Variants in CLDN11 observed in about 807,000 individuals in gnomAD.
CLDN11 encodes the protein claudin-11.
CLDN11 carries 1 observed loss-of-function variant against 18.0 expected under a neutral mutation model. The observed-to-expected ratio is 0.06, with a 90% CI of 0.02 to 0.26. The LOEUF is 0.26. CLDN11 is among the 10% of genes least tolerant of loss of function. CLDN11 has a pLI of 1.00. For synonymous variants in CLDN11, 116 were observed against 121.5 expected, an observed-to-expected ratio of 0.96 and a Z score of 0.30; for missense variants, 172 against 276.6, an observed-to-expected ratio of 0.62 and a Z score of 2.68.
At chr3:170,421,278 T>C (rs1738716549) in intron 1 of CLDN11, 2 of 985,786 alleles carry the variant, frequency 2.0e-6, no homozygotes, top group African/African-American at 3.5e-5. Flanking sequence ...CACTGTAGCA[T>C]GTGGACAGCC....
intron 1 of CLDN11, among the ~76,000 whole-genome samples, chr3:170,422,586 C>A (rs1738750728): frequency 6.6e-6 from 1 of 152,076 alleles, no homozygotes; most frequent in African/African-American, 2.4e-5. Context: ...CCACACCAGG[C>A]TAATTTTTGT....
chr3:170,423,231 C>G lies in CLDN11; in HGVS notation c.295C>G (p.Leu99Val), dbSNP rs1306206855. The G allele has an allele frequency of 6.2e-7, 1 of 1,614,124 alleles. No individual in the cohort carries two copies. Among genetic ancestry groups the G allele is most frequent in the African/African-American group, 1.3e-5 (1 of 74,936 alleles). The change falls in exon 2 of 3, where the codon CTG (leucine) becomes GTG (valine). Residue 99 changes from leucine to valine, a missense_variant. Around this residue, in one of 3 missense-constraint regions of CLDN11, gnomAD observed 161 missense variants for 240.3 expected, o/e 0.67. Transcript: ENST00000064724. ...SVLGLPAILL[L>V]LTVLPCIRMG... Reference sequence around the variant, plus strand: ...CCTGGGTCTGCCGGCCATTTTACTGCTGCTGACTGTTCTTCCCTGCATCCG... The same window carrying G: ...CCTGGGTCTGCCGGCCATTTTACTGGTGCTGACTGTTCTTCCCTGCATCCG...
chr3:170,425,279 GAGGATGGCAGAGCCAAA>G (rs1388322331), intron 2 of CLDN11, among the ~76,000 whole-genome samples: 5 of 152,170 alleles, frequency 3.3e-5, no homozygotes, highest in Non-Finnish European at 7.3e-5. Flanking sequence ...CTTGGGCTCT[GAGGATGGCAGAGCCAAA>G]AGGTGGGTCT....
At chr3:170,422,236 G>A (rs1738741516) in intron 1 of CLDN11, among the ~76,000 whole-genome samples, 1 of 147,722 alleles carries the variant, frequency 6.8e-6, no homozygotes, top group South Asian at 2.2e-4. Flanking sequence ...AATCACCTAG[G>A]ACACCTGAAG....
At chr3:170,428,614 T>C (rs1738922062) in intron 2 of CLDN11, among the ~76,000 whole-genome samples, 1 of 152,202 alleles carries the variant, frequency 6.6e-6, no homozygotes, top group African/African-American at 2.4e-5. Flanking sequence ...TTCTCTCCCT[T>C]CTCTTCCCCC....
At chr3:170,426,113 A>G (rs1738845339) in intron 2 of CLDN11, among the ~76,000 whole-genome samples, 1 of 152,170 alleles carries the variant, frequency 6.6e-6, no homozygotes, top group Admixed American at 6.5e-5. Flanking sequence ...ACCAAAGAAG[A>G]TGAGGCACCT....
intron 2 of CLDN11, among the ~76,000 whole-genome samples, chr3:170,426,114 T>C (rs1212384336): frequency 2.0e-5 from 3 of 152,134 alleles, no homozygotes; most frequent in Admixed American, 1.3e-4. Flanking sequence ...CCAAAGAAGA[T>C]GAGGCACCTC....
At position 170,418,888 on chromosome 3, in the gene CLDN11, G is replaced by GCGC. The variant is rs1738652084; in HGVS notation, c.-177_-175dup. 1 of 559,824 alleles carries GCGC rather than the reference G, an allele frequency of 1.8e-6. No homozygotes were observed. Among genetic ancestry groups the GCGC allele is most frequent in the Admixed American group, 3.2e-5 (1 of 31,012 alleles). 34.7% of individuals were successfully genotyped at this position (559,824 alleles called of 1,614,324 possible). A position where few individuals can be genotyped will look rare whatever the true frequency, so the allele number is the denominator to read the frequency against. On this transcript the variant is annotated 5_prime_UTR_variant, in exon 1 of 3. Coordinates refer to ENST00000064724, the MANE Select transcript of CLDN11 (RefSeq NM_005602.6). The surrounding 1 kb of genome is among the most constrained non-coding windows in gnomAD (Gnocchi z 4.3). ...CCAGCAGCGCTGCTGTCCCCGCCGT[G>GCGC]CGCCCTTCGCCGCTGAGCTCGCAGC...
chr3:170,426,141 T>TG (rs1738846203), intron 2 of CLDN11, among the ~76,000 whole-genome samples: 1 of 152,188 alleles, frequency 6.6e-6, no homozygotes, highest in African/African-American at 2.4e-5. Context: ...TTCGGGGGCC[T>TG]GGGAACTGGA....
chr3:170,419,248 G>T lies in CLDN11; in HGVS notation c.182G>T (p.Gly61Val). ...GLWADCVMAT[G>V]LYHCKPLVDI... ...TGGGCCGACTGCGTCATGGCCACGGGGCTGTACCACTGCAAGCCCCTGGTG... is the reference window on the plus strand; with the variant it reads ...TGGGCCGACTGCGTCATGGCCACGGTGCTGTACCACTGCAAGCCCCTGGTG... The change falls in exon 1 of 3, where the codon GGG (glycine) becomes GTG (valine). Residue 61 changes from glycine (G) to valine (V), a missense_variant. Physicochemically the swap from Gly to Val is moderately radical, Grantham distance 109. Coordinates refer to ENST00000064724, the MANE Select transcript of CLDN11 (RefSeq NM_005602.6). This position sits in a 1 kb window ranked among gnomAD's most constrained non-coding sequence, Gnocchi z 8.6. The T allele has an allele frequency of 6.3e-7, 1 of 1,575,556 alleles. No individual in the cohort carries two copies. Among genetic ancestry groups the T allele is most frequent in the South Asian group, 1.2e-5 (1 of 85,558 alleles).
intron 2 of CLDN11, among the ~76,000 whole-genome samples, chr3:170,428,235 CTCTT>C (rs1738911910): frequency 6.6e-6 from 1 of 151,734 alleles, no homozygotes; most frequent in South Asian, 2.1e-4. Flanking sequence ...CTGTCTGTCT[CTCTT>C]TCTCTCAGTT....
Position 170,423,255 on chromosome 3 carries a change from C to T in CLDN11, c.319C>T (p.Arg107Trp), listed in dbSNP as rs1738765320. ...GCTGCTGACTGTTCTTCCCTGCATC[C>T]GGATGGGCCAGGAGCCCGGTGTGGC... ...LLLLTVLPCI[R>W]MGQEPGVAKY... Residue 107 changes from arginine to tryptophan, a missense_variant, in exon 2 of 3, where the codon CGG becomes TGG. Arg to Trp is a moderately radical substitution (Grantham distance 101). Transcript: ENST00000064724. 6.2e-7 allele frequency: 1 copy of T among 1,614,044 alleles called. No individual in the cohort carries two copies. The highest frequency in any genetic ancestry group is 8.5e-7 in the Non-Finnish European group (1 of 1,180,026).
rs75747180 is a variant in CLDN11 at position 170,433,436 on chromosome 3, G to A, written c.*680G>A. 0.068 allele frequency: 10,316 copies of A among 152,068 alleles called. 480 individuals are homozygous for A. Among genetic ancestry groups the A allele is most frequent in the East Asian group, 0.11 (569 of 5,160 alleles). The allele number at this position is 152,068 out of a possible 1,614,324, so 9.4% of individuals were successfully genotyped here. On this transcript the variant is annotated 3_prime_UTR_variant, in exon 3 of 3. Coordinates refer to ENST00000064724, the MANE Select transcript of CLDN11 (RefSeq NM_005602.6). ...GATTATAGGAGTGAGCCACCACACCGGCCAAGATGCTTTTCAAACTGATAC... is the reference window on the plus strand; with the variant it reads ...GATTATAGGAGTGAGCCACCACACCAGCCAAGATGCTTTTCAAACTGATAC...
At position 170,432,628 on chromosome 3, in the gene CLDN11, G is replaced by A. The variant is rs767381312; in HGVS notation, c.496G>A (p.Val166Met). ...YSLYAGWIGAVLCLVGGCVIL... is the reference protein window; with the variant it reads ...YSLYAGWIGAMLCLVGGCVIL... Reference sequence around the variant, plus strand: ...CCTGTATGCAGGCTGGATTGGTGCTGTGCTGTGCCTCGTGGGTGGCTGTGT... The same window carrying A: ...CCTGTATGCAGGCTGGATTGGTGCTATGCTGTGCCTCGTGGGTGGCTGTGT... Residue 166 changes from valine to methionine, a missense_variant, in exon 3 of 3, where the codon GTG (valine) becomes ATG (methionine). By Grantham distance (21) the Val-to-Met change is conservative. This residue lies in a region of CLDN11 where 161 missense variants were observed against 240.3 expected (regional missense o/e 0.67). Transcript: ENST00000064724. 2.5e-6 allele frequency: 4 copies of A among 1,614,166 alleles called. No homozygotes were observed. The Admixed American group carries it at 6.7e-5, about 27-fold the overall frequency.
At chr3:170,421,868 G>C (rs1308278825) in intron 1 of CLDN11, among the ~76,000 whole-genome samples, 1 of 152,190 alleles carries the variant, frequency 6.6e-6, no homozygotes, top group Non-Finnish European at 1.5e-5. Context: ...TTACTTGACA[G>C]GATAAAGTTC....
rs1368452574 is a variant in CLDN11 at position 170,432,822 on chromosome 3, C to T, written c.*66C>T. 5 of 1,485,624 alleles carry T rather than the reference C, an allele frequency of 3.4e-6. No homozygotes were observed. Among genetic ancestry groups the T allele is most frequent in the Non-Finnish European group, 4.7e-6 (5 of 1,065,342 alleles). 92.0% of individuals were successfully genotyped at this position (1,485,624 alleles called of 1,614,324 possible). ...GGCCCAGGGCCCTAGGTTTGCTCGT[C>T]ACAGTGTGGGGAAGCCCATTCCTCT... On this transcript the variant is annotated 3_prime_UTR_variant, in exon 3 of 3. Coordinates refer to ENST00000064724, the MANE Select transcript of CLDN11 (RefSeq NM_005602.6).
intron 2 of CLDN11, among the ~76,000 whole-genome samples, chr3:170,428,189 T>TCTA (rs1390832469): frequency 2.0e-5 from 3 of 151,912 alleles, no homozygotes; most frequent in Non-Finnish European, 4.4e-5. Context: ...AATGTCAGTG[T>TCTA]CTACTGATCT....
chr3:170,428,165 TGGAA>T (rs1738908403), intron 2 of CLDN11, among the ~76,000 whole-genome samples: 1 of 151,892 alleles, frequency 6.6e-6, no homozygotes, highest in South Asian at 2.1e-4. Context: ...AAAGATTTAT[TGGAA>T]GGAGGAAGAA....
rs1739026144 is a variant in CLDN11 at position 170,432,598 on chromosome 3, T to C, written c.466T>C (p.Tyr156His). ...HRETTIVSFG[Y>H]SLYAGWIGAV... ...TGAGACCACCATCGTGAGCTTTGGC[T>C]ACTCCCTGTATGCAGGCTGGATTGG... Residue 156 changes from tyrosine to histidine, a missense_variant, in exon 3 of 3, where the codon TAC (tyrosine) becomes CAC (histidine). Physicochemically the swap from Tyr to His is moderately conservative, Grantham distance 83. Transcript: ENST00000064724. The C allele has an allele frequency of 2.5e-6, 4 of 1,614,170 alleles. No homozygotes were observed. Among genetic ancestry groups the C allele is most frequent in the Non-Finnish European group, 3.4e-6 (4 of 1,180,032 alleles).
Sources: gnomAD v4.1 joint callset for allele counts (sites outside exome capture counted in the v4.1 genomes callset) on GRCh38, gnomAD v4.1.1 for gene constraint, gnomAD v4.1.1 regional missense constraint, Gnocchi (gnomAD v3.1) non-coding constraint, MANE v1.5 for transcripts, NCBI Gene and HGNC (gene_info 2026-07-23, HGNC 2026-07-21) for gene names.